PDXDC1: variants seen among roughly 807,000 people sequenced by gnomAD.
PDXDC1 encodes the protein pyridoxal dependent decarboxylase domain containing 1, also known as pyridoxal-dependent decarboxylase domain-containing protein 1.
In PDXDC1, 42 loss-of-function variants were observed where a neutral mutation model predicts 100.1. That is an observed-to-expected ratio of 0.42 (90% CI 0.33 to 0.54). The LOEUF (loss-of-function observed/expected upper bound fraction) is 0.54. Among genes scored for constraint, PDXDC1 ranks in the 20% least tolerant of loss-of-function variants. The pLI, the probability that PDXDC1 is intolerant of heterozygous loss-of-function variation, is 0.10. For missense variants in PDXDC1, 636 were observed against 979.2 expected (o/e 0.65, Z 4.68); for synonymous variants, 260 against 371.7 (o/e 0.70, Z 3.46).
At chr16:15,131,146 A>G (rs761110523) in intron 16 of PDXDC1, 2 of 1,594,774 alleles carry the variant, frequency 1.3e-6, no homozygotes, top group Non-Finnish European at 1.7e-6. Flanking sequence ...GCTGCTGTCC[A>G]GGGTGACCAC....
chr16:15,142,120 A>G (rs1439075899), downstream of PDXDC1, among the ~76,000 whole-genome samples: 1 of 152,108 alleles, frequency 6.6e-6, no homozygotes, highest in Non-Finnish European at 1.5e-5. Flanking sequence ...GAAAGAAGGA[A>G]AAGCCTGAAG....
intron 8 of PDXDC1, among the ~76,000 whole-genome samples, chr16:15,015,548 C>T (rs1162240319): frequency 6.6e-6 from 1 of 152,164 alleles, no homozygotes; most frequent in Non-Finnish European, 1.5e-5. Flanking sequence ...AACCCCGTCT[C>T]TACTAAAAAT....
rs1411032583 is a variant in PDXDC1, at chr16:14,998,360, G to T, written c.116G>T (p.Gly39Val). The part of the protein sequence containing the change: ...DSQRRTEEEN[G>V]KKLISGDIPG... ...ATTAGAAGAACAGAAGAGGAAAATG[G>T]AAAGAAGCTCATATCCGGAGATATT... The change falls in exon 3 of 23, where the codon GGA becomes GTA. Residue 39 changes from glycine to valine, a missense_variant. By Grantham distance (109) the Gly-to-Val change is moderately radical (BLOSUM62 -3). Around this residue, in one of 4 missense-constraint regions of PDXDC1, gnomAD observed 125 missense variants for 479.9 expected, o/e 0.26. Coordinates refer to ENST00000396410, the MANE Select transcript of PDXDC1 (RefSeq NM_015027.4). The T allele has an allele frequency of 6.2e-7, 1 of 1,613,210 alleles. No individual in the cohort carries two copies. Among genetic ancestry groups the T allele is most frequent in the Non-Finnish European group, 8.5e-7 (1 of 1,179,822 alleles).
intron 16 of PDXDC1, chr16:15,133,694 T>C: frequency 6.2e-7 from 1 of 1,600,412 alleles, no homozygotes. Context: ...ATCCTCCGCG[T>C]CATGCCAGCC....
At chr16:15,152,014 G>C in the PDXDC1 span, among the ~76,000 whole-genome samples, 3 of 149,042 alleles carry the variant, frequency 2.0e-5, no homozygotes, top group Non-Finnish European at 4.5e-5. Context: ...TGGGGTGGGG[G>C]GTCTGTGAGT....
intron 16 of PDXDC1, chr16:15,131,665 T>C: frequency 1.3e-6 from 2 of 1,574,146 alleles, no homozygotes; most frequent in African/African-American, 1.4e-5. Flanking sequence ...CTCTGAGCGC[T>C]GTGGTGCCCG....
chr16:15,140,936 G>A (rs924228744), downstream of PDXDC1, among the ~76,000 whole-genome samples: 11 of 151,900 alleles, frequency 7.2e-5, no homozygotes, highest in African/African-American at 2.4e-4. Flanking sequence ...CCCTCCCCAC[G>A]AGTGACCCAG....
At chr16:15,104,350 G>C (rs567105478) in intron 16 of PDXDC1, 5 of 1,595,618 alleles carry the variant, frequency 3.1e-6, no homozygotes, top group Non-Finnish European at 4.2e-6. Flanking sequence ...TTCTTCGTTA[G>C]TTTCTTCAGA....
chr16:15,060,982 TTCAG>T (rs1369470294), intron 16 of PDXDC1: 66 of 152,262 alleles, frequency 4.3e-4, no homozygotes, highest in African/African-American at 1.5e-3. Flanking sequence ...CGAACTCACT[TTCAG>T]TCTGTGTGAA....
intron 16 of PDXDC1, chr16:15,068,124 A>G: frequency 3.4e-6 from 5 of 1,480,244 alleles, no homozygotes; most frequent in Non-Finnish European, 4.6e-6. Flanking sequence ...AACATAAATA[A>G]AAATATTTTA....
Position 15,111,236 on chromosome 16 carries a change from C to A in PDXDC1, c.1400-27643C>A, listed in dbSNP as rs1289928248. Among the ~76,000 whole-genome samples the A allele has an allele frequency of 2.7e-5, 4 of 148,212 alleles. 1 individual carries two copies. Among genetic ancestry groups the A allele is most frequent in the Non-Finnish European group, 4.5e-5 (3 of 66,418 alleles). On this transcript the variant is annotated intron_variant, in intron 16 of 16. Coordinates refer to the PDXDC1 transcript ENST00000535621. ...CTTTGGGAGGCCGAGGCAGGCGGAT[C>A]ACCTGAGGTCGGGAGTTTGAGACCA... is the stretch of plus-strand genomic sequence containing the variant.
At chr16:15,069,951 T>C in intron 16 of PDXDC1, 3 of 1,456,002 alleles carry the variant, frequency 2.1e-6, no homozygotes, top group East Asian at 2.3e-5. Context: ...AAAGTTTGAG[T>C]GCACATGCAG....
intron 11 of PDXDC1, among the ~76,000 whole-genome samples, chr16:15,018,090 ATTT>A (rs377561197): frequency 7.0e-6 from 1 of 143,378 alleles, no homozygotes. Context: ...ACCTGGCCAC[ATTT>A]TTTTTTTTTT....
chr16:15,040,437 T>C, downstream of PDXDC1: 1 of 212,680 alleles, frequency 4.7e-6, no homozygotes. Flanking sequence ...CAATTTAGTA[T>C]TTTATACATA....
chr16:15,086,087 A>G, intron 16 of PDXDC1: 1 of 1,565,444 alleles, frequency 6.4e-7, no homozygotes, highest in Non-Finnish European at 8.7e-7. Flanking sequence ...ATTTTAATAA[A>G]GAAGTATTAA....
chr16:15,058,702 G>C (rs1032707050), intron 16 of PDXDC1, among the ~76,000 whole-genome samples: 1 of 152,214 alleles, frequency 6.6e-6, no homozygotes, highest in Non-Finnish European at 1.5e-5. Flanking sequence ...CTGCACTCCA[G>C]CCTGGGTGAC....
chr16:14,994,530 T>G (rs1436351219), intron 1 of PDXDC1, among the ~76,000 whole-genome samples: 5 of 152,290 alleles, frequency 3.3e-5, no homozygotes, highest in Non-Finnish European at 7.3e-5. Flanking sequence ...CCATGCTGTT[T>G]TGGTTACTGT....
chr16:15,038,722 A>C (rs771616157), downstream of PDXDC1: 1 of 1,196,644 alleles, frequency 8.4e-7, no homozygotes, highest in Non-Finnish European at 1.2e-6. Flanking sequence ...GAATTTCAGG[A>C]ATGTCACCCA....
At chr16:15,132,299 G>C (rs1220151416) in intron 16 of PDXDC1, among the ~76,000 whole-genome samples, 1 of 21,704 alleles carries the variant, frequency 4.6e-5, no homozygotes, top group East Asian at 1.7e-3. Context: ...GTCTAGGGGA[G>C]GGGAGGAGGA....
Sources: gnomAD v4.1 joint callset for allele counts (sites outside exome capture counted in the v4.1 genomes callset) on GRCh38, gnomAD v4.1.1 for gene constraint, gnomAD v4.1.1 regional missense constraint, MANE v1.5 for transcripts, NCBI Gene and HGNC (gene_info 2026-07-23, HGNC 2026-07-21) for gene names.